NF1: variants seen among roughly 807,000 people sequenced by gnomAD.
NF1 encodes the protein neurofibromin 1, also known as neurofibromin.
NF1 carries 122 observed loss-of-function variants against 325.7 expected under a neutral mutation model. The observed-to-expected ratio is 0.37, with a 90% confidence interval of 0.32 to 0.44. The LOEUF is 0.44. Among genes scored for constraint, NF1 ranks in the 20% least tolerant of loss-of-function variants. The probability of loss-of-function intolerance (pLI) is 1.00; values close to 1 mark genes in which losing one functional copy is unlikely to be tolerated. For synonymous variants in NF1, 1,091 were observed against 1,186.0 expected (o/e 0.92, Z 1.65); for missense variants, 2,140 against 3,415.4 (o/e 0.63, Z 9.31).
intron 39 of NF1, chr17:31,334,615 A>G (rs1348251956): frequency 3.1e-5 from 16 of 515,668 alleles, no homozygotes; most frequent in Non-Finnish European, 3.1e-5. Flanking sequence ...AAATAAGACA[A>G]AACTTTTCAA....
chr17:31,185,760 G>A (rs1398899544), intron 8 of NF1, among the ~76,000 whole-genome samples: 1 of 152,176 alleles, frequency 6.6e-6, no homozygotes, highest in Non-Finnish European at 1.5e-5. Flanking sequence ...TCTGCAACAG[G>A]TCCAGGCTGC....
chr17:31,172,808 A>G (rs2065952713), intron 5 of NF1, among the ~76,000 whole-genome samples: 2 of 152,002 alleles, frequency 1.3e-5, no homozygotes, highest in African/African-American at 4.8e-5. Context: ...GAATACCTTA[A>G]TCAGTATTTT....
chr17:31,242,795 CCTT>C (rs1365709758), intron 29 of NF1, among the ~76,000 whole-genome samples: 1 of 152,172 alleles, frequency 6.6e-6, no homozygotes, highest in African/African-American at 2.4e-5. Flanking sequence ...ATCACTGGTG[CCTT>C]CTTTAATTCC....
chr17:31,313,751 TGTGTGTGA>T (rs1405000345), intron 36 of NF1, among the ~76,000 whole-genome samples: 6 of 121,470 alleles, frequency 4.9e-5, no homozygotes, highest in Non-Finnish European at 1.1e-4. Flanking sequence ...TGTGTGTGTG[TGTGTGTGA>T]GATTAAATAA....
intron 5 of NF1, 69 bp from the exon 6 acceptor site, chr17:31,181,353 A>G (rs984772186): frequency 7.2e-7 from 1 of 1,394,004 alleles, no homozygotes; most frequent in African/African-American, 1.4e-5. Context: ...ATGGAAAGTT[A>G]TTTTGCTCTG....
intron 8 of NF1, among the ~76,000 whole-genome samples, chr17:31,184,240 G>C (rs1420589929): frequency 6.6e-6 from 1 of 152,206 alleles, no homozygotes; most frequent in Non-Finnish European, 1.5e-5. Context: ...CACCGCTAAT[G>C]AGAGGCAAGG....
At chr17:31,203,027 A>C (rs777648098) in intron 11 of NF1, among the ~76,000 whole-genome samples, 5 of 152,200 alleles carry the variant, frequency 3.3e-5, no homozygotes, top group Admixed American at 1.3e-4. Context: ...AATAAACCCA[A>C]ATATATACTT....
intron 57 of NF1, among the ~76,000 whole-genome samples, chr17:31,363,747 T>TTTC (rs1430791757): frequency 6.6e-6 from 1 of 150,382 alleles, no homozygotes; most frequent in Non-Finnish European, 1.5e-5. Context: ...TTTTTTTTTT[T>TTTC]TTCCCCCTTT....
At chr17:31,304,479 C>T in intron 36 of NF1, 1 of 1,614,008 alleles carries the variant, frequency 6.2e-7, no homozygotes, top group Non-Finnish European at 8.5e-7. Flanking sequence ...TGAGACAGTC[C>T]AGAGATGGAG....
At chr17:31,183,920 C>T (rs1289390284) in intron 8 of NF1, among the ~76,000 whole-genome samples, 3 of 152,240 alleles carry the variant, frequency 2.0e-5, no homozygotes, top group South Asian at 2.1e-4. Flanking sequence ...AGCCTGCAGA[C>T]GGCCTATTGT....
At chr17:31,158,388 C>T (rs1261009551) in intron 2 of NF1, among the ~76,000 whole-genome samples, 1 of 152,084 alleles carries the variant, frequency 6.6e-6, no homozygotes, top group Non-Finnish European at 1.5e-5. Context: ...TTTGTAGCTC[C>T]TCTGTTGCAG....
chr17:31,295,909 A>T (rs762102489), intron 36 of NF1: 1 of 1,614,168 alleles, frequency 6.2e-7, no homozygotes, highest in South Asian at 1.1e-5. Flanking sequence ...GTGTATTTTT[A>T]ATGAGGACAA....
chr17:31,209,583 G>A (rs1035322364), intron 12 of NF1, among the ~76,000 whole-genome samples: 4 of 152,068 alleles, frequency 2.6e-5, no homozygotes, highest in African/African-American at 9.7e-5. Flanking sequence ...CCTAGAATTC[G>A]TTTTATTTTT....
rs750303863 is a variant in NF1 at position 31,232,875 on chromosome 17, T to G, written c.3490T>G (p.Ser1164Ala). Residue 1164 changes from serine (S) to alanine (A), a missense_variant, in exon 26 of 58, where the codon TCC (serine) becomes GCC (alanine). Ser to Ala is a moderately conservative substitution (Grantham distance 99). Transcript: ENST00000358273. ...NANVDSGLMH[S>A]IGLGYHKDLQ... ...CAACGTAGACAGTGGTCTCATGCAC[T>G]CCATAGGTGAGATCAAATGAAAGTT... 1.9e-6 allele frequency: 3 copies of G among 1,613,826 alleles called. No homozygotes were observed. Among genetic ancestry groups the G allele is most frequent in the Admixed American group, 1.7e-5 (1 of 59,988 alleles).
At chr17:31,318,511 C>G (rs559973245) in intron 36 of NF1, 1 of 1,613,964 alleles carries the variant, frequency 6.2e-7, no homozygotes, top group Non-Finnish European at 8.5e-7. Flanking sequence ...TTGTTTTGAT[C>G]GTCTGAGAGA....
intron 36 of NF1, 63 bp downstream of exon 36, chr17:31,265,402 G>A (rs2067769394): frequency 1.6e-6 from 2 of 1,247,206 alleles, no homozygotes; most frequent in East Asian, 2.4e-5. Flanking sequence ...AATATAGAGA[G>A]ATGGCAAGTT....
At chr17:31,242,854 T>C (rs1454159420) in intron 29 of NF1, among the ~76,000 whole-genome samples, 1 of 152,204 alleles carries the variant, frequency 6.6e-6, no homozygotes, top group Non-Finnish European at 1.5e-5. Flanking sequence ...CTTATGGATG[T>C]TCATTAGTGC....
At chr17:31,320,774 C>T (rs554943396) in intron 36 of NF1, among the ~76,000 whole-genome samples, 1 of 152,276 alleles carries the variant, frequency 6.6e-6, no homozygotes, top group African/African-American at 2.4e-5. Flanking sequence ...TTGGATATTT[C>T]ATGATTCTTC....
At chr17:31,307,125 T>C (rs771195330) in intron 36 of NF1, among the ~76,000 whole-genome samples, 3 of 152,090 alleles carry the variant, frequency 2.0e-5, no homozygotes, top group Non-Finnish European at 2.9e-5. Flanking sequence ...CAGGTTCAAC[T>C]GATTCTCCTC....
Sources: gnomAD v4.1 joint callset for allele counts (sites outside exome capture counted in the v4.1 genomes callset) on GRCh38, gnomAD v4.1.1 for gene constraint, MANE v1.5 for transcripts, NCBI Gene and HGNC (gene_info 2026-07-23, HGNC 2026-07-21) for gene names.